CUL1: variants seen among roughly 807,000 people sequenced by gnomAD.
CUL1 encodes the protein cullin-1.
A neutral mutation model predicts 118.0 loss-of-function variants in CUL1; 24 were observed. That is an observed-to-expected ratio of 0.20 (90% CI 0.15 to 0.29). The LOEUF (loss-of-function observed/expected upper bound fraction) is 0.29. Among genes scored for constraint, CUL1 ranks in the 10% least tolerant of loss-of-function variants. The pLI is 1.00. For synonymous variants in CUL1, 332 were observed against 340.4 expected (o/e 0.98, Z 0.27); for missense variants, 361 against 933.8 (o/e 0.39, Z 7.99).
intron 2 of CUL1, among the ~76,000 whole-genome samples, chr7:148,752,477 T>G (rs187910645): frequency 6.6e-6 from 1 of 152,162 alleles, no homozygotes; most frequent in Non-Finnish European, 1.5e-5. Flanking sequence ...ATTACCTAGA[T>G]TGGTTATTTT....
rs1402160014 is a variant in CUL1 at position 148,766,635 on chromosome 7, A to C, written c.864A>C (p.Ala288=). 2 of 1,613,814 alleles carry C rather than the reference A, an allele frequency of 1.2e-6. No homozygotes were observed. The highest frequency in any genetic ancestry group is 2.7e-5 in the African/African-American group (2 of 74,922). The part of the protein sequence containing the change: ...YLHESTQDEL[A]RKCEQVLIEK... ...ATGAAAGCACACAAGATGAATTAGCAAGGAAATGTGAACAAGTCCTCATTG... is the reference window on the plus strand; with the variant it reads ...ATGAAAGCACACAAGATGAATTAGCCAGGAAATGTGAACAAGTCCTCATTG... Residue 288 remains alanine (A), a synonymous_variant, in exon 8 of 22, where the codon GCA becomes GCC. Transcript: ENST00000325222.
chr7:148,745,200 G>C (rs55663960), intron 2 of CUL1, among the ~76,000 whole-genome samples: 6,887 of 151,854 alleles, frequency 0.045, 553 homozygotes, highest in African/African-American at 0.16. Flanking sequence ...TTTTTATTTT[G>C]TTCTTTTTCA....
At chr7:148,737,209 G>A (rs1798975106) in intron 2 of CUL1, among the ~76,000 whole-genome samples, 1 of 151,202 alleles carries the variant, frequency 6.6e-6, no homozygotes, top group South Asian at 2.1e-4. Context: ...TTTTTGGTGG[G>A]GTAGGCGGTT....
chr7:148,705,679 G>T (rs773135639), intron 1 of CUL1, among the ~76,000 whole-genome samples: 1 of 152,134 alleles, frequency 6.6e-6, no homozygotes, highest in African/African-American at 2.4e-5. Context: ...TGGAAGGAAA[G>T]GTTTGGAATC....
intron 9 of CUL1, among the ~76,000 whole-genome samples, chr7:148,768,213 A>G (rs961199227): frequency 6.6e-6 from 1 of 152,096 alleles, no homozygotes; most frequent in East Asian, 1.9e-4. Flanking sequence ...CCAGGGCTAC[A>G]TAGAATATTC....
At chr7:148,772,698 T>A (rs1288401470) in intron 9 of CUL1, among the ~76,000 whole-genome samples, 1 of 152,230 alleles carries the variant, frequency 6.6e-6, no homozygotes, top group Non-Finnish European at 1.5e-5. Flanking sequence ...GTGCCTACAT[T>A]GCAGGTTCAT....
intron 1 of CUL1, among the ~76,000 whole-genome samples, chr7:148,723,124 G>A (rs909494493): frequency 6.6e-6 from 1 of 152,224 alleles, no homozygotes; most frequent in Non-Finnish European, 1.5e-5. Context: ...ACAGTTTTAC[G>A]CAACTGCTGC....
intron 2 of CUL1, among the ~76,000 whole-genome samples, chr7:148,735,283 C>A (rs577660397): frequency 1.3e-5 from 2 of 152,356 alleles, no homozygotes; most frequent in African/African-American, 4.8e-5. Context: ...TTGGAGCCTG[C>A]GGCTGTGCTT....
intron 16 of CUL1, 84 bp downstream of exon 16, chr7:148,790,525 C>A: frequency 1.7e-6 from 2 of 1,205,572 alleles, no homozygotes; most frequent in Non-Finnish European, 2.4e-6. Flanking sequence ...GCTGACTCAG[C>A]AGCAGAATCT....
intron 1 of CUL1, among the ~76,000 whole-genome samples, chr7:148,725,397 G>A (rs1380370789): frequency 6.6e-6 from 1 of 152,226 alleles, no homozygotes; most frequent in African/African-American, 2.4e-5. Flanking sequence ...CAGCTGCAGA[G>A]CTGCCTGGAC....
At chr7:148,782,544 T>C (rs1434156456) in intron 9 of CUL1, among the ~76,000 whole-genome samples, 1 of 152,248 alleles carries the variant, frequency 6.6e-6, no homozygotes, top group African/African-American at 2.4e-5. Context: ...TTTAATGTTT[T>C]CTCTTATCAA....
chr7:148,799,745 GC>G (rs1801326201), intron 21 of CUL1, among the ~76,000 whole-genome samples: 1 of 148,116 alleles, frequency 6.8e-6, no homozygotes, highest in Non-Finnish European at 1.5e-5. Flanking sequence ...GCCTGCTTTT[GC>G]GTGATACATA....
intron 19 of CUL1, 51 bp downstream of exon 19, chr7:148,798,070 G>A (rs767315186): frequency 1.7e-5 from 19 of 1,098,116 alleles, no homozygotes; most frequent in East Asian, 5.0e-5. Context: ...CACGTCCCCC[G>A]GGAGCCCTAG....
At chr7:148,762,212 G>A (rs372464978) in intron 7 of CUL1, among the ~76,000 whole-genome samples, 6 of 152,150 alleles carry the variant, frequency 3.9e-5, no homozygotes, top group African/African-American at 1.2e-4. Context: ...TCTCTTTTCC[G>A]TATGCTGAGA....
chr7:148,799,017 C>G (rs1185777505), intron 20 of CUL1, among the ~76,000 whole-genome samples: 1 of 151,634 alleles, frequency 6.6e-6, no homozygotes, highest in Non-Finnish European at 1.5e-5. Flanking sequence ...TTTTTTAATG[C>G]TTTATGGTTG....
intron 1 of CUL1, among the ~76,000 whole-genome samples, chr7:148,725,219 G>GCGCACACACACACACA: frequency 0.011 from 1,610 of 140,096 alleles, 20 homozygotes; most frequent in South Asian, 0.041. Context: ...ACACGCGCGC[G>GCGCACACACACACACA]CTCACACACA....
At position 148,761,092 on chromosome 7, in the gene CUL1, C is replaced by T. The variant is rs140836755; in HGVS notation, c.789+596C>T. Among the ~76,000 whole-genome samples the T allele has an allele frequency of 3.6e-4, 55 of 152,252 alleles. No homozygotes were observed. In the East Asian group the frequency reaches 0.01, roughly 29 times the overall value. On this transcript the variant is annotated intron_variant, in intron 7 of 21. Transcript: ENST00000325222. Reference sequence around the variant, plus strand: ...AGGTTGCCCAGGTTGGTCTCAAACTCTTGGGCTTAAGTGATCCTGCCACCT... The same window carrying T: ...AGGTTGCCCAGGTTGGTCTCAAACTTTTGGGCTTAAGTGATCCTGCCACCT...
At chr7:148,768,196 C>T (rs1051962518) in intron 9 of CUL1, among the ~76,000 whole-genome samples, 8 of 152,090 alleles carry the variant, frequency 5.3e-5, no homozygotes, top group Admixed American at 2.0e-4. Flanking sequence ...TACACCCCTC[C>T]GCTTCCCCAG....
chr7:148,796,231 A>G (rs372401751), intron 17 of CUL1, among the ~76,000 whole-genome samples: 8 of 151,968 alleles, frequency 5.3e-5, no homozygotes, highest in African/African-American at 1.9e-4. Context: ...TGCTTTTTCT[A>G]CTCTGTCAAA....
Sources: allele counts gnomAD v4.1 joint callset (sites outside exome capture counted in the v4.1 genomes callset), GRCh38; gene constraint gnomAD v4.1.1; transcripts MANE v1.5; gene names NCBI Gene and HGNC (gene_info 2026-07-23, HGNC 2026-07-21).